The following ZNF277 variants were observed in gnomAD, a reference collection of about 807,000 sequenced individuals.
ZNF277 encodes zinc finger protein 277.
A neutral mutation model predicts 60.7 loss-of-function variants in ZNF277; 55 were observed. That is an observed-to-expected ratio of 0.91 (90% CI 0.73 to 1.13). The LOEUF (loss-of-function observed/expected upper bound fraction) is 1.13, where lower values mean the gene tolerates loss of function less well. Among genes scored for constraint, ZNF277 ranks in the 50% most tolerant of loss-of-function variants. The pLI, the probability that ZNF277 is intolerant of heterozygous loss-of-function variation, is 0.00. For synonymous variants in ZNF277, 178 were observed against 179.3 expected (o/e 0.99, Z 0.06); for missense variants, 510 against 523.0 (o/e 0.98, Z 0.24).
intron 4 of ZNF277, among the ~76,000 whole-genome samples, chr7:112,300,576 G>A (rs1378280951): frequency 6.6e-6 from 1 of 152,146 alleles, no homozygotes; most frequent in Non-Finnish European, 1.5e-5. Context: ...TTAAATGTTA[G>A]TGCTGGTGCA....
At chr7:112,338,436 A>G (rs1793375306) in intron 9 of ZNF277, among the ~76,000 whole-genome samples, 1 of 152,138 alleles carries the variant, frequency 6.6e-6, no homozygotes, top group African/African-American at 2.4e-5. Context: ...GCGGATAGGG[A>G]AGGGGAACAT....
chr7:112,340,748 C>A, intron 10 of ZNF277, 124 bp from the exon 11 acceptor site: 1 of 755,062 alleles, frequency 1.3e-6, no homozygotes. Flanking sequence ...TATTATTATG[C>A]TTTATAATTG....
intron 5 of ZNF277, among the ~76,000 whole-genome samples, chr7:112,325,099 G>A (rs1793065888): frequency 6.6e-6 from 1 of 152,154 alleles, no homozygotes; most frequent in Non-Finnish European, 1.5e-5. Flanking sequence ...CCTTTAACCA[G>A]GTCAAGCTGA....
In ZNF277 at chr7:112,258,992, A is replaced by T. The variant is rs112744063; in HGVS notation, c.92-27881A>T. 2.1e-3 allele frequency among the ~76,000 whole-genome samples: 315 copies of T among 152,166 alleles called. 2 individuals are homozygous for T. Among genetic ancestry groups the T allele is most frequent in the African/African-American group, 7.2e-3 (301 of 41,524 alleles). On this transcript the variant is annotated intron_variant, in intron 1 of 11. Transcript: ENST00000361822. ...CTAAATTATTAATACTTTGCTTCAA[A>T]TAGTATTCTCCCTGATACCCATGTC...
At chr7:112,339,102 T>C (rs1327602735) in intron 9 of ZNF277, among the ~76,000 whole-genome samples, 4 of 152,172 alleles carry the variant, frequency 2.6e-5, no homozygotes, top group South Asian at 4.1e-4. Context: ...TTTGACAGCA[T>C]AAAATGAAAA....
chr7:112,313,667 G>A (rs1283873300), intron 4 of ZNF277, among the ~76,000 whole-genome samples: 1 of 152,052 alleles, frequency 6.6e-6, no homozygotes, highest in African/African-American at 2.4e-5. Flanking sequence ...ATAATCAACA[G>A]TAAATTTCTT....
At chr7:112,303,952 C>T (rs1792536189) in intron 4 of ZNF277, among the ~76,000 whole-genome samples, 1 of 152,072 alleles carries the variant, frequency 6.6e-6, no homozygotes, top group East Asian at 1.9e-4. Flanking sequence ...GTGGGAGGTA[C>T]TGATATCTTT....
chr7:112,315,227 C>T (rs1222992197), intron 4 of ZNF277, among the ~76,000 whole-genome samples: 8 of 152,098 alleles, frequency 5.3e-5, no homozygotes, highest in Admixed American at 3.3e-4. Context: ...AGGTACCAAA[C>T]ATATTTGAGT....
At chr7:112,239,978 TG>T (rs1790907796) in intron 1 of ZNF277, among the ~76,000 whole-genome samples, 1 of 152,210 alleles carries the variant, frequency 6.6e-6, no homozygotes, top group Non-Finnish European at 1.5e-5. Context: ...AGAGTTTTAT[TG>T]GTTTTCTCTT....
intron 1 of ZNF277, among the ~76,000 whole-genome samples, chr7:112,220,566 G>C (rs564310121): frequency 6.6e-6 from 1 of 152,208 alleles, no homozygotes; most frequent in East Asian, 1.9e-4. Context: ...GAGGTGCTGA[G>C]CATGGGCATC....
At chr7:112,311,221 T>C (rs1167036138) in intron 4 of ZNF277, among the ~76,000 whole-genome samples, 2 of 152,156 alleles carry the variant, frequency 1.3e-5, no homozygotes, top group Admixed American at 6.6e-5. Flanking sequence ...ATTTTTTCTC[T>C]GCTTTTAGCT....
At position 112,337,736 on chromosome 7, in the gene ZNF277, G is replaced by A; in HGVS notation, c.876G>A (p.Trp292Ter). The A allele has an allele frequency of 6.2e-7, 1 of 1,611,506 alleles. No individual in the cohort carries two copies. The highest frequency in any genetic ancestry group is 8.5e-7 in the Non-Finnish European group (1 of 1,179,138). ...RELLDHQEDD[W>*]SDWEEHPASA... Reference sequence around the variant, plus strand: ...CTCCTCTTTTTTAATTCAGTGACTGGTCTGATTGGGAAGAACACCCTGCCT... The same window carrying A: ...CTCCTCTTTTTTAATTCAGTGACTGATCTGATTGGGAAGAACACCCTGCCT... The change falls in exon 9 of 12, where the codon TGG becomes TGA. Residue 292 changes from tryptophan (W) to a stop codon, truncating the protein, a stop_gained. Coordinates refer to ENST00000361822, the MANE Select transcript of ZNF277 (RefSeq NM_021994.3). LOFTEE classifies it high-confidence loss of function.
At chr7:112,221,284 A>G (rs1822023559) in intron 1 of ZNF277, among the ~76,000 whole-genome samples, 3 of 152,190 alleles carry the variant, frequency 2.0e-5, no homozygotes, top group Admixed American at 6.5e-5. Context: ...AACACTCACC[A>G]TGTGGCCTAA....
chr7:112,275,744 CACT>C (rs1220122848), intron 1 of ZNF277, among the ~76,000 whole-genome samples: 3 of 146,522 alleles, frequency 2.0e-5, no homozygotes, highest in African/African-American at 8.0e-5. Context: ...ACGTAGACAC[CACT>C]GATTCCTCTT....
chr7:112,301,367 C>G (rs1792467052), intron 4 of ZNF277, among the ~76,000 whole-genome samples: 1 of 152,146 alleles, frequency 6.6e-6, no homozygotes, highest in Non-Finnish European at 1.5e-5. Flanking sequence ...GTTTTCTAGT[C>G]TCAAACTGCA....
chr7:112,222,870 G>T (rs1026509960), intron 1 of ZNF277, among the ~76,000 whole-genome samples: 2 of 152,116 alleles, frequency 1.3e-5, no homozygotes, highest in East Asian at 3.9e-4. Flanking sequence ...ATCTGGGTGG[G>T]TACCATCTGA....
chr7:112,252,580 A>C (rs897932595), intron 1 of ZNF277, among the ~76,000 whole-genome samples: 3 of 152,178 alleles, frequency 2.0e-5, no homozygotes, highest in African/African-American at 7.2e-5. Flanking sequence ...CTGAAAAGGA[A>C]TTCTACTGGG....
chr7:112,237,349 C>T (rs570596267), intron 1 of ZNF277, among the ~76,000 whole-genome samples: 5 of 151,620 alleles, frequency 3.3e-5, no homozygotes, highest in Non-Finnish European at 5.9e-5. Flanking sequence ...CCAAAGCTAG[C>T]AGAAGAAAAG....
intron 1 of ZNF277, among the ~76,000 whole-genome samples, chr7:112,240,317 A>T (rs1398199438): frequency 3.9e-5 from 6 of 152,218 alleles, no homozygotes; most frequent in Non-Finnish European, 8.8e-5. Context: ...TGGTTAATGG[A>T]TACAAAAATA....
Sources: allele counts gnomAD v4.1 joint callset (sites outside exome capture counted in the v4.1 genomes callset), GRCh38; gene constraint gnomAD v4.1.1; transcripts MANE v1.5; gene names NCBI Gene and HGNC (gene_info 2026-07-23, HGNC 2026-07-21).